The following NRXN1 variants were observed in gnomAD, a reference collection of about 807,000 sequenced individuals.
NRXN1 encodes neurexin 1, also known as neurexin-1.
Under a neutral mutation model 150.9 loss-of-function variants are expected in NRXN1, and 39 were observed. The observed-to-expected ratio is 0.26, with a 90% confidence interval of 0.20 to 0.34. The LOEUF (loss-of-function observed/expected upper bound fraction) is 0.34, where lower values mean the gene tolerates loss of function less well. Ranked by LOEUF, NRXN1 falls within the 10% of genes least tolerant of loss-of-function variation. The pLI is 1.00. For synonymous variants in NRXN1, 924 were observed against 757.0 expected (o/e 1.22, Z -3.62); for missense variants, 1,815 against 1,949.9 (o/e 0.93, Z 1.30).
At chr2:51,006,971 T>A (rs1700804708) in intron 2 of NRXN1, among the ~76,000 whole-genome samples, 1 of 151,468 alleles carries the variant, frequency 6.6e-6, no homozygotes, top group Non-Finnish European at 1.5e-5. Flanking sequence ...TATATTCACC[T>A]ATAATCTATG....
rs567008852 is a variant in NRXN1 at position 50,510,046 on chromosome 2, C to G, written c.2375-3429G>C. On this transcript the variant is annotated intron_variant, in intron 12 of 22. Coordinates refer to ENST00000401669, the MANE Select transcript of NRXN1 (RefSeq NM_001330078.2). Reference sequence around the variant, plus strand: ...AGAAGGCCCTCACCAAGAGCCAAATCTGCTGACACTTCAATCTTTGACTTC... The same window carrying G: ...AGAAGGCCCTCACCAAGAGCCAAATGTGCTGACACTTCAATCTTTGACTTC... Among the ~76,000 whole-genome samples, 17 of 152,240 alleles carry G rather than the reference C, an allele frequency of 1.1e-4. No homozygotes were observed. In the South Asian group the frequency reaches 3.5e-3, roughly 32 times the overall value.
intron 21 of NRXN1, among the ~76,000 whole-genome samples, chr2:49,968,340 T>C (rs1425813918): frequency 6.6e-6 from 1 of 152,106 alleles, no homozygotes; most frequent in African/African-American, 2.4e-5. Context: ...ATAAAGAGAA[T>C]GAATACAAAC....
At chr2:50,237,268 T>A (rs2065541239) in intron 17 of NRXN1, among the ~76,000 whole-genome samples, 1 of 152,014 alleles carries the variant, frequency 6.6e-6, no homozygotes, top group African/African-American at 2.4e-5. Flanking sequence ...TGAGGCATTA[T>A]CTCTTCCTGC....
chr2:50,569,358 T>A (rs141584339), intron 8 of NRXN1, among the ~76,000 whole-genome samples: 3 of 152,100 alleles, frequency 2.0e-5, no homozygotes, highest in Non-Finnish European at 2.9e-5. Flanking sequence ...GTTACCTTCA[T>A]GTGATCATTA....
intron 5 of NRXN1, among the ~76,000 whole-genome samples, chr2:50,693,402 C>T (rs1264457894): frequency 2.0e-5 from 3 of 152,134 alleles, no homozygotes; most frequent in Admixed American, 6.6e-5. Context: ...GCCATAGCTG[C>T]CTCCTGACTT....
chr2:50,743,173 C>A (rs907854356), intron 5 of NRXN1, among the ~76,000 whole-genome samples: 3 of 152,106 alleles, frequency 2.0e-5, no homozygotes, highest in Non-Finnish European at 4.4e-5. Flanking sequence ...ATTAGTGAAG[C>A]GATATGCTTT....
intron 5 of NRXN1, among the ~76,000 whole-genome samples, chr2:50,752,410 C>G (rs1026811819): frequency 1.3e-5 from 2 of 151,836 alleles, no homozygotes; most frequent in African/African-American, 4.8e-5. Context: ...GATGTCTGGA[C>G]AACTGACATT....
chr2:50,611,308 A>G (rs1678082980), intron 8 of NRXN1, among the ~76,000 whole-genome samples: 1 of 152,154 alleles, frequency 6.6e-6, no homozygotes, highest in Non-Finnish European at 1.5e-5. Context: ...TGAAAGCACT[A>G]CAATTCATTA....
intron 5 of NRXN1, chr2:50,898,652 C>A: frequency 4.8e-6 from 2 of 419,596 alleles, no homozygotes; most frequent in Admixed American, 2.9e-5. Context: ...ATCTAAATTC[C>A]CACATTTCAA....
intron 5 of NRXN1, among the ~76,000 whole-genome samples, chr2:50,725,207 C>CTT (rs34696615): frequency 6.8e-6 from 1 of 147,204 alleles, no homozygotes; most frequent in Non-Finnish European, 1.5e-5. Flanking sequence ...TCTGAAAAAC[C>CTT]TTTTTTTTTT....
chr2:50,073,772 C>G (rs1456698945), intron 19 of NRXN1, among the ~76,000 whole-genome samples: 2 of 152,048 alleles, frequency 1.3e-5, no homozygotes, highest in Non-Finnish European at 2.9e-5. Context: ...CTGTTAATCT[C>G]TTTTTAGGAA....
chr2:49,931,362 A>G (rs1490774702), intron 22 of NRXN1, among the ~76,000 whole-genome samples: 3 of 152,090 alleles, frequency 2.0e-5, no homozygotes, highest in Non-Finnish European at 4.4e-5. Context: ...TGCTTTCCCT[A>G]TGCTTCAAGG....
intron 8 of NRXN1, among the ~76,000 whole-genome samples, chr2:50,559,718 T>C (rs530794504): frequency 6.6e-6 from 1 of 152,284 alleles, no homozygotes; most frequent in South Asian, 2.1e-4. Context: ...TGTTAGAATA[T>C]ATGGTATATC....
At chr2:50,011,141 ATGAGACC>A (rs1053822922) in intron 21 of NRXN1, among the ~76,000 whole-genome samples, 1 of 152,178 alleles carries the variant, frequency 6.6e-6, no homozygotes, top group South Asian at 2.1e-4. Flanking sequence ...TACCTTGGCT[ATGAGACC>A]TGATATAGTT....
intron 18 of NRXN1, among the ~76,000 whole-genome samples, chr2:50,122,971 T>C (rs1574034454): frequency 6.6e-6 from 1 of 152,214 alleles, no homozygotes; most frequent in East Asian, 1.9e-4. Context: ...GAAAAATTTG[T>C]CTTCTCTCTG....
At chr2:50,721,137 G>A (rs993666890) in intron 5 of NRXN1, among the ~76,000 whole-genome samples, 2 of 152,102 alleles carry the variant, frequency 1.3e-5, no homozygotes, top group Non-Finnish European at 2.9e-5. Context: ...TGACTCAGCT[G>A]GAGTGGACTC....
intron 5 of NRXN1, among the ~76,000 whole-genome samples, chr2:50,675,675 C>T (rs536661364): frequency 6.6e-6 from 1 of 152,186 alleles, no homozygotes; most frequent in Non-Finnish European, 1.5e-5. Context: ...TTGTCATTAC[C>T]GTTACTCCAG....
At chr2:49,962,529 A>G (rs1297228797) in intron 21 of NRXN1, among the ~76,000 whole-genome samples, 1 of 152,226 alleles carries the variant, frequency 6.6e-6, no homozygotes, top group Non-Finnish European at 1.5e-5. Context: ...TAAGAGTTCT[A>G]TGTAACCCAT....
chr2:50,322,032 A>T (rs2076073540), intron 17 of NRXN1, among the ~76,000 whole-genome samples: 1 of 113,582 alleles, frequency 8.8e-6, no homozygotes, highest in South Asian at 2.8e-4. Flanking sequence ...AAATTACAAC[A>T]TCAAAAAAAA....
Sources: gnomAD v4.1 joint callset for allele counts (sites outside exome capture counted in the v4.1 genomes callset) on GRCh38, gnomAD v4.1.1 for gene constraint, MANE v1.5 for transcripts, NCBI Gene and HGNC (gene_info 2026-07-23, HGNC 2026-07-21) for gene names.